Variants in RABGAP1 observed in about 807,000 individuals in gnomAD.
The protein encoded by RABGAP1 is rab GTPase-activating protein 1.
RABGAP1 carries 23 observed loss-of-function variants against 137.6 expected under a neutral mutation model. The ratio of observed to expected loss-of-function variants is 0.17; its 90% CI spans 0.12 to 0.24. The LOEUF is 0.24. RABGAP1 is among the 10% of genes least tolerant of loss of function. The pLI, the probability that RABGAP1 is intolerant of heterozygous loss-of-function variation, is 1.00. For synonymous variants in RABGAP1, 451 were observed against 450.7 expected, an observed-to-expected ratio of 1.00 and a Z score of -0.01; for missense variants, 906 against 1,275.8, an observed-to-expected ratio of 0.71 and a Z score of 4.42.
At position 122,998,763 on chromosome 9, in the gene RABGAP1, A is replaced by G. The variant is rs140602925; in HGVS notation, c.1371A>G (p.Lys457=). The change falls in exon 10 of 26, where the codon AAA becomes AAG. Residue 457 remains lysine (K), a synonymous_variant. Coordinates refer to ENST00000373647, the MANE Select transcript of RABGAP1 (RefSeq NM_012197.4). ...STTENFFLKL[K]QIKQRERKNN... is the part of the protein sequence containing the mutation. Reference sequence around the variant, plus strand: ...CTGAAAATTTCTTTTTGAAACTAAAACAGGTACTGTATTTTTCTATTAATA... The same window carrying G: ...CTGAAAATTTCTTTTTGAAACTAAAGCAGGTACTGTATTTTTCTATTAATA... 1.4e-5 allele frequency: 22 copies of G among 1,581,238 alleles called. No individual in the cohort carries two copies. Among genetic ancestry groups the G allele is most frequent in the Non-Finnish European group, 1.9e-5 (22 of 1,156,436 alleles).
At chr9:122,968,947 T>C (rs1835323329) in intron 2 of RABGAP1, among the ~76,000 whole-genome samples, 1 of 152,212 alleles carries the variant, frequency 6.6e-6, no homozygotes, top group Non-Finnish European at 1.5e-5. Context: ...AAACCATTTT[T>C]ACTGTAGTCA....
At chr9:123,037,925 C>G (rs962029772) in intron 13 of RABGAP1, among the ~76,000 whole-genome samples, 3 of 152,094 alleles carry the variant, frequency 2.0e-5, no homozygotes, top group African/African-American at 7.2e-5. Flanking sequence ...TTTTTAGATT[C>G]AGTTACCATG....
At chr9:122,987,956 C>A (rs1447596166) in intron 4 of RABGAP1, among the ~76,000 whole-genome samples, 5 of 152,080 alleles carry the variant, frequency 3.3e-5, no homozygotes, top group Admixed American at 2.0e-4. Context: ...TTTGGACTTT[C>A]ATGGTGACAG....
intron 9 of RABGAP1, among the ~76,000 whole-genome samples, chr9:122,997,927 A>G (rs780147818): frequency 2.5e-4 from 38 of 152,164 alleles, no homozygotes; most frequent in Admixed American, 1.4e-3. Flanking sequence ...TAATAGCACT[A>G]TAGATAAATA....
At chr9:122,965,942 T>C (rs756332313) in intron 2 of RABGAP1, among the ~76,000 whole-genome samples, 26 of 152,082 alleles carry the variant, frequency 1.7e-4, no homozygotes, top group Non-Finnish European at 2.4e-4. Context: ...AAATTAGATA[T>C]AGGGTATGAG....
At chr9:123,017,478 T>C (rs2031318329) in intron 12 of RABGAP1, among the ~76,000 whole-genome samples, 1 of 152,220 alleles carries the variant, frequency 6.6e-6, no homozygotes, top group Admixed American at 6.5e-5. Context: ...CTTTAGTTCA[T>C]TACATCATTA....
At chr9:122,963,945 T>C (rs1834989172) in intron 2 of RABGAP1, among the ~76,000 whole-genome samples, 1 of 152,292 alleles carries the variant, frequency 6.6e-6, no homozygotes, top group Middle Eastern at 3.4e-3. Flanking sequence ...CGTAGAATTA[T>C]GAAGGAATAC....
At chr9:123,010,629 T>C in intron 11 of RABGAP1, 101 bp downstream of exon 11, 5 of 1,136,614 alleles carry the variant, frequency 4.4e-6, no homozygotes, top group Non-Finnish European at 6.2e-6. Flanking sequence ...GCATTTATAA[T>C]TCATTTAATG....
In RABGAP1 at chr9:123,104,804, T is replaced by C. The variant is rs1409340032; in HGVS notation, c.*1591T>C. On this transcript the variant is annotated 3_prime_UTR_variant, in exon 26 of 26. Coordinates refer to ENST00000373647, the MANE Select transcript of RABGAP1 (RefSeq NM_012197.4). ...GAAATATAAACCAGTAAAATTGTATTACTGTTTCTTTTGTTGGTTTTATTT... is the reference window on the plus strand; with the variant it reads ...GAAATATAAACCAGTAAAATTGTATCACTGTTTCTTTTGTTGGTTTTATTT... 6.6e-6 allele frequency: 1 copy of C among 152,274 alleles called. No homozygotes were observed. Among genetic ancestry groups the C allele is most frequent in the Non-Finnish European group, 1.5e-5 (1 of 68,050 alleles). 9.4% of individuals were successfully genotyped at this position (152,274 alleles called of 1,614,324 possible). A position where few individuals can be genotyped will look rare whatever the true frequency, so the allele number is the denominator to read the frequency against.
chr9:122,995,347 T>C (rs2131809528), intron 6 of RABGAP1, among the ~76,000 whole-genome samples: 1 of 152,276 alleles, frequency 6.6e-6, no homozygotes, highest in South Asian at 2.1e-4. Flanking sequence ...TTTTCTTCAT[T>C]ATATGTTTAA....
chr9:122,980,717 G>A (rs1000967479), intron 2 of RABGAP1, among the ~76,000 whole-genome samples: 14 of 152,172 alleles, frequency 9.2e-5, no homozygotes, highest in Admixed American at 9.2e-4. Flanking sequence ...GCAATTAGTC[G>A]TTTTATCATG....
upstream of RABGAP1, chr9:122,940,980 C>A (rs556589780): frequency 2.3e-5 from 2 of 87,620 alleles, no homozygotes; most frequent in African/African-American, 8.6e-5. Context: ...GAAGAAGTCG[C>A]TCTCACGTGA....
intron 19 of RABGAP1, among the ~76,000 whole-genome samples, chr9:123,087,017 A>G (rs987351636): frequency 6.6e-6 from 1 of 152,240 alleles, no homozygotes; most frequent in African/African-American, 2.4e-5. Context: ...CATGGGAAAA[A>G]TGAAAAGAAA....
At chr9:122,984,787 A>G (rs1031824396) in intron 3 of RABGAP1, 68 bp downstream of exon 3, 6 of 1,396,266 alleles carry the variant, frequency 4.3e-6, no homozygotes, top group Admixed American at 3.9e-5. Context: ...TCCACCCTGT[A>G]CTAGGTTTTA....
intron 1 of RABGAP1, among the ~76,000 whole-genome samples, chr9:122,948,610 C>G (rs1275169462): frequency 6.6e-6 from 1 of 152,128 alleles, no homozygotes; most frequent in Non-Finnish European, 1.5e-5. Flanking sequence ...AGTCATCTTG[C>G]TTAAGATTCC....
At chr9:122,941,383 C>T (rs746309058) in intron 1 of RABGAP1, among the ~76,000 whole-genome samples, 2 of 152,230 alleles carry the variant, frequency 1.3e-5, no homozygotes, top group Admixed American at 6.5e-5. Flanking sequence ...CTGAGTCTTG[C>T]GTTTTTGGCC....
At chr9:123,038,260 G>A (rs2032774097) in intron 13 of RABGAP1, among the ~76,000 whole-genome samples, 2 of 151,976 alleles carry the variant, frequency 1.3e-5, no homozygotes, top group Admixed American at 1.3e-4. Flanking sequence ...TTTGGAAAAG[G>A]TTTTCTTTAA....
the RABGAP1 span, among the ~76,000 whole-genome samples, chr9:122,932,926 T>TC: frequency 6.6e-6 from 1 of 152,262 alleles, no homozygotes; most frequent in Non-Finnish European, 1.5e-5. Flanking sequence ...ATTTATAACT[T>TC]CATCTGTGTG....
At chr9:123,023,720 C>G (rs1005170559) in intron 13 of RABGAP1, among the ~76,000 whole-genome samples, 4 of 152,146 alleles carry the variant, frequency 2.6e-5, no homozygotes, top group African/African-American at 9.6e-5. Flanking sequence ...TATAAACATT[C>G]TTGCACACAG....
Sources: gnomAD v4.1 joint callset for allele counts (sites outside exome capture counted in the v4.1 genomes callset) on GRCh38, gnomAD v4.1.1 for gene constraint, MANE v1.5 for transcripts, NCBI Gene and HGNC (gene_info 2026-07-23, HGNC 2026-07-21) for gene names.